Variants in ZEB2 observed in about 807,000 individuals in gnomAD.
ZEB2 encodes the protein zinc finger E-box-binding homeobox 2.
Under a neutral mutation model 99.9 loss-of-function variants are expected in ZEB2, and 6 were observed. The observed-to-expected ratio is 0.06, with a 90% CI of 0.03 to 0.12. The LOEUF is 0.12. Among genes scored for constraint, ZEB2 ranks in the 10% least tolerant of loss-of-function variants. The pLI is 1.00. For missense variants in ZEB2, 969 were observed against 1,502.8 expected (o/e 0.64, Z 5.87); for synonymous variants, 517 against 542.5 (o/e 0.95, Z 0.65).
intron 2 of ZEB2, among the ~76,000 whole-genome samples, chr2:144,447,109 A>G (rs1018536127): frequency 6.6e-6 from 1 of 152,118 alleles, no homozygotes; most frequent in African/African-American, 2.4e-5. Flanking sequence ...TTTAGTACAT[A>G]CCAGTGATCA....
chr2:144,455,253 G>A (rs949257207), intron 2 of ZEB2: 1 of 152,174 alleles, frequency 6.6e-6, no homozygotes, highest in African/African-American at 2.4e-5. Context: ...TCTATCAAAA[G>A]AGAATATCAT....
At chr2:144,474,754 T>C (rs550295884) in intron 2 of ZEB2, among the ~76,000 whole-genome samples, 1 of 152,288 alleles carries the variant, frequency 6.6e-6, no homozygotes, top group Admixed American at 6.5e-5. Flanking sequence ...TGACCATTCA[T>C]TCATTACCCT....
intron 2 of ZEB2, among the ~76,000 whole-genome samples, chr2:144,476,182 A>G (rs1012059871): frequency 1.3e-5 from 2 of 151,802 alleles, no homozygotes; most frequent in African/African-American, 4.8e-5. Context: ...TAACCTGCCT[A>G]ATTTTGTAGT....
chr2:144,483,480 CA>C (rs1368343617), intron 2 of ZEB2, among the ~76,000 whole-genome samples: 3 of 152,140 alleles, frequency 2.0e-5, no homozygotes, highest in African/African-American at 7.2e-5. Flanking sequence ...ACATGATTTA[CA>C]AAAATATAAC....
chr2:144,498,378 C>T (rs1380497740), intron 2 of ZEB2, among the ~76,000 whole-genome samples: 2 of 151,292 alleles, frequency 1.3e-5, no homozygotes, highest in East Asian at 3.9e-4. Context: ...TCCTCCATCC[C>T]ACCACTCTGC....
chr2:144,512,501 G>T (rs552134283), intron 2 of ZEB2: 1 of 1,287,170 alleles, frequency 7.8e-7, no homozygotes, highest in South Asian at 1.2e-5. Flanking sequence ...TAAGAAGGAA[G>T]GGAAACACTG....
intron 2 of ZEB2, among the ~76,000 whole-genome samples, chr2:144,432,509 G>C (rs1356946616): frequency 6.6e-6 from 1 of 152,076 alleles, no homozygotes; most frequent in African/African-American, 2.4e-5. Flanking sequence ...CTTTCTGGTT[G>C]ACCATCTGAC....
rs1573716957 is a variant in ZEB2 at position 144,399,688 on chromosome 2, T to C, written c.1499A>G (p.Glu500Gly). ...AATATTAGGAGAAGTAACTCCTTGT[T>C]CCTCAGGTTGAGAGCATGGATCCTT... ...HMKDPCSQPE[E>G]QGVTSPNIPP... is the part of the protein sequence containing the mutation. Residue 500 changes from glutamate (E) to glycine (G), a missense_variant, in exon 8 of 10, where the codon GAA becomes GGA. Physicochemically the swap from Glu to Gly is moderately conservative, Grantham distance 98. Transcript: ENST00000627532. The surrounding 1 kb of genome is among the most constrained non-coding windows in gnomAD (Gnocchi z 5.6). The C allele has an allele frequency of 6.2e-7, 1 of 1,614,208 alleles. No individual in the cohort carries two copies. Among genetic ancestry groups the C allele is most frequent in the Admixed American group, 1.7e-5 (1 of 60,030 alleles).
chr2:144,393,548 T>C (rs1703180294), intron 9 of ZEB2, among the ~76,000 whole-genome samples: 1 of 152,218 alleles, frequency 6.6e-6, no homozygotes, highest in African/African-American at 2.4e-5. Context: ...AAAATATTAC[T>C]AGTGCTTAAT....
At chr2:144,487,623 A>G (rs1704617060) in intron 2 of ZEB2, among the ~76,000 whole-genome samples, 1 of 152,234 alleles carries the variant, frequency 6.6e-6, no homozygotes, top group Non-Finnish European at 1.5e-5. Context: ...TTTGTTAGAA[A>G]GCTTACTAGG....
chr2:144,448,421 A>T (rs1024785907), intron 2 of ZEB2, among the ~76,000 whole-genome samples: 2 of 152,224 alleles, frequency 1.3e-5, no homozygotes, highest in Admixed American at 1.3e-4. Flanking sequence ...ACTTACTGAA[A>T]GTTCACGCAG....
intron 8 of ZEB2, among the ~76,000 whole-genome samples, chr2:144,397,060 A>G (rs1449847059): frequency 6.6e-6 from 1 of 152,244 alleles, no homozygotes; most frequent in Non-Finnish European, 1.5e-5. Flanking sequence ...ATGTCTACCA[A>G]CTAAAGGCCT....
rs967763276 is a variant in ZEB2 at position 144,387,941 on chromosome 2, A to G, written c.*1510T>C. 6.6e-6 allele frequency: 1 copy of G among 152,660 alleles called. No homozygotes were observed. Among genetic ancestry groups the G allele is most frequent in the Non-Finnish European group, 1.5e-5 (1 of 68,022 alleles). The allele number at this position is 152,660 out of a possible 1,614,324, so 9.5% of individuals were successfully genotyped here. A position where few individuals can be genotyped will look rare whatever the true frequency, so the allele number is the denominator to read the frequency against. ...AAAAAACATAATTAGCATTATTATA[A>G]GCATAAAGCATGTTACATGTTAATG... On this transcript the variant is annotated 3_prime_UTR_variant, in exon 10 of 10. Transcript: ENST00000627532.
At chr2:144,423,437 C>G (rs1423922359) in intron 4 of ZEB2, among the ~76,000 whole-genome samples, 1 of 152,088 alleles carries the variant, frequency 6.6e-6, no homozygotes, top group Non-Finnish European at 1.5e-5. Context: ...TCTATTTTTA[C>G]ATGGTGATAA....
chr2:144,407,099 T>C (rs10197694), intron 4 of ZEB2, among the ~76,000 whole-genome samples: 69,445 of 152,048 alleles, frequency 0.46, 18,448 homozygotes, highest in East Asian at 0.61. Flanking sequence ...CTTGAAACTA[T>C]AAACAAATAT....
intron 2 of ZEB2, among the ~76,000 whole-genome samples, chr2:144,465,512 G>A (rs758426397): frequency 9.2e-5 from 14 of 152,156 alleles, no homozygotes; most frequent in Non-Finnish European, 1.5e-4. Context: ...CCCCAAGAGC[G>A]CTATCCAATC....
chr2:144,434,077 T>C (rs143013799), intron 2 of ZEB2, among the ~76,000 whole-genome samples: 1 of 152,284 alleles, frequency 6.6e-6, no homozygotes, highest in African/African-American at 2.4e-5. Flanking sequence ...ACAGTACAAA[T>C]AAGATATCAG....
chr2:144,481,845 C>T (rs780340850), intron 2 of ZEB2, among the ~76,000 whole-genome samples: 3 of 152,152 alleles, frequency 2.0e-5, no homozygotes, highest in African/African-American at 4.8e-5. Flanking sequence ...CACTATAGTG[C>T]GTCACCCTTC....
At chr2:144,391,625 G>C (rs1216101365) in intron 9 of ZEB2, among the ~76,000 whole-genome samples, 2 of 152,176 alleles carry the variant, frequency 1.3e-5, no homozygotes, top group African/African-American at 2.4e-5. Flanking sequence ...GTGGTAGGAA[G>C]GTAATTTAAG....
Sources: gnomAD v4.1 joint callset for allele counts (sites outside exome capture counted in the v4.1 genomes callset) on GRCh38, gnomAD v4.1.1 for gene constraint, Gnocchi (gnomAD v3.1) non-coding constraint, MANE v1.5 for transcripts, NCBI Gene and HGNC (gene_info 2026-07-23, HGNC 2026-07-21) for gene names.